Variants in ZZZ3 observed in about 807,000 individuals in gnomAD.
ZZZ3 encodes the protein ZZ-type zinc finger-containing protein 3.
In ZZZ3, 22 loss-of-function variants were observed where a neutral mutation model predicts 95.2. The ratio of observed to expected loss-of-function variants is 0.23; its 90% confidence interval spans 0.17 to 0.33. ZZZ3 has a LOEUF of 0.33. ZZZ3 is among the 10% of genes least tolerant of loss of function. The probability of loss-of-function intolerance (pLI) is 1.00; values close to 1 mark genes in which losing one functional copy is unlikely to be tolerated. For synonymous variants in ZZZ3, 335 were observed against 358.9 expected (o/e 0.93, Z 0.75); for missense variants, 885 against 1,066.5 (o/e 0.83, Z 2.37).
Position 77,568,317 on chromosome 1 carries a change from T to C in ZZZ3, c.2466+15A>G. On this transcript the variant is annotated intron_variant, in intron 13 of 14. Coordinates refer to ENST00000370801, the MANE Select transcript of ZZZ3 (RefSeq NM_015534.6). ...AAATAAAATGAAATGAATCCTAAAATTAAATAGAACTTACCTTAAAGCCCA... is the reference window on the plus strand; with the variant it reads ...AAATAAAATGAAATGAATCCTAAAACTAAATAGAACTTACCTTAAAGCCCA... 6.4e-7 allele frequency: 1 copy of C among 1,561,584 alleles called. No individual in the cohort carries two copies. The highest frequency in any genetic ancestry group is 8.6e-7 in the Non-Finnish European group (1 of 1,157,300).
intron 1 of ZZZ3, among the ~76,000 whole-genome samples, chr1:77,662,310 C>G (rs1181000778): frequency 6.6e-6 from 1 of 151,996 alleles, no homozygotes; most frequent in Non-Finnish European, 1.5e-5. Context: ...CCGTACCCAG[C>G]CTGGCTTTTT....
intron 5 of ZZZ3, among the ~76,000 whole-genome samples, chr1:77,613,365 T>TGAA (rs2100743395): frequency 1.3e-5 from 2 of 152,036 alleles, no homozygotes; most frequent in South Asian, 4.1e-4. Flanking sequence ...AATTAACCTG[T>TGAA]GAAGACTAGG....
chr1:77,590,115 G>A (rs1663529261), intron 5 of ZZZ3, among the ~76,000 whole-genome samples: 1 of 152,226 alleles, frequency 6.6e-6, no homozygotes, highest in African/African-American at 2.4e-5. Flanking sequence ...GCTCACGCCT[G>A]TAATCCCAGC....
intron 1 of ZZZ3, among the ~76,000 whole-genome samples, chr1:77,678,465 C>T (rs184378459): frequency 3.9e-5 from 6 of 152,142 alleles, no homozygotes; most frequent in Admixed American, 3.3e-4. Context: ...TCTCAAAAGA[C>T]ACCAATTTCT....
chr1:77,624,825 T>C (rs1667194949), intron 5 of ZZZ3, among the ~76,000 whole-genome samples: 1 of 152,206 alleles, frequency 6.6e-6, no homozygotes, highest in Admixed American at 6.5e-5. Context: ...GATTGGCTTC[T>C]GAAGTGGGAG....
intron 1 of ZZZ3, among the ~76,000 whole-genome samples, chr1:77,663,502 T>C (rs1670995548): frequency 6.6e-6 from 1 of 152,188 alleles, no homozygotes; most frequent in African/African-American, 2.4e-5. Flanking sequence ...AAGGTTCTCA[T>C]GGGTTACCCT....
Position 77,633,097 on chromosome 1 carries a change from T to C in ZZZ3, c.258A>G (p.Arg86=). 6.2e-7 allele frequency: 1 copy of C among 1,613,998 alleles called. No homozygotes were observed. The highest frequency in any genetic ancestry group is 8.5e-7 in the Non-Finnish European group (1 of 1,180,020). Residue 86 remains arginine (R), a synonymous_variant, in exon 5 of 15, where the codon AGA becomes AGG. Transcript: ENST00000370801. ...TATCCTTTTCTGAAGAAGAAAGTCC[T>C]CTTTTCCTAGGGCTTACCCATGATT... The part of the protein sequence containing the change: ...TRESWVSPRK[R]GLSSSEKDNI...
At chr1:77,572,496 T>C (rs1661496181) in intron 12 of ZZZ3, among the ~76,000 whole-genome samples, 2 of 151,306 alleles carry the variant, frequency 1.3e-5, no homozygotes, top group South Asian at 2.1e-4. Context: ...TGCACCACCA[T>C]ACCTGGCTAA....
intron 5 of ZZZ3, among the ~76,000 whole-genome samples, chr1:77,620,829 G>C (rs1281905611): frequency 2.0e-5 from 3 of 152,172 alleles, no homozygotes; most frequent in Non-Finnish European, 4.4e-5. Flanking sequence ...AGTAATTTAA[G>C]CCACAGCAGT....
intron 5 of ZZZ3, among the ~76,000 whole-genome samples, chr1:77,608,688 T>G (rs772107930): frequency 6.6e-6 from 1 of 152,142 alleles, no homozygotes; most frequent in Non-Finnish European, 1.5e-5. Flanking sequence ...TGACTATAAC[T>G]TTTCAAGACA....
intron 6 of ZZZ3, 22 bp from the exon 7 acceptor site, chr1:77,582,148 C>T (rs1662589562): frequency 6.4e-7 from 1 of 1,568,968 alleles, no homozygotes; most frequent in Non-Finnish European, 8.6e-7. Context: ...GGAGAAAAAA[C>T]AAAATAAAGT....
At chr1:77,623,982 A>G (rs113769933) in intron 5 of ZZZ3, among the ~76,000 whole-genome samples, 4,580 of 152,018 alleles carry the variant, frequency 0.03, 102 homozygotes, top group Non-Finnish European at 0.048. Context: ...ATTACTATAC[A>G]TTACAATATC....
Position 77,563,370 on chromosome 1 carries a change from T to C in ZZZ3, c.*2270A>G, listed in dbSNP as rs1660576425. 1 of 152,152 alleles carries C rather than the reference T, an allele frequency of 6.6e-6. No individual in the cohort carries two copies. Among genetic ancestry groups the C allele is most frequent in the African/African-American group, 2.4e-5 (1 of 41,444 alleles). The allele number at this position is 152,152 out of a possible 1,614,324, so 9.4% of individuals were successfully genotyped here. On this transcript the variant is annotated 3_prime_UTR_variant, in exon 15 of 15. Coordinates refer to ENST00000370801, the MANE Select transcript of ZZZ3 (RefSeq NM_015534.6). ...TCAAATTAAAACAATAACAAAACAC[T>C]ACCTACTACTATCTGAACTTCAGGG...
Position 77,633,512 on chromosome 1 carries a change from T to C in ZZZ3, c.-51-107A>G. 5 of 597,354 alleles carry C rather than the reference T, an allele frequency of 8.4e-6. No homozygotes were observed. In the South Asian group the frequency reaches 1.5e-4, roughly 18 times the overall value. 37.0% of individuals were successfully genotyped at this position (597,354 alleles called of 1,614,324 possible). A position where few individuals can be genotyped will look rare whatever the true frequency, so the allele number is the denominator to read the frequency against. ...ATCCAAGTATACTTGGACATTACAG[T>C]CTATAACTATCTATATAACTGCCAA... On this transcript the variant is annotated intron_variant, in intron 4 of 14. Transcript: ENST00000370801.
intron 1 of ZZZ3, among the ~76,000 whole-genome samples, chr1:77,642,953 A>T (rs986246755): frequency 6.6e-6 from 1 of 151,958 alleles, no homozygotes; most frequent in African/African-American, 2.4e-5. Context: ...GTAACACCAT[A>T]AAAAAATTAA....
intron 5 of ZZZ3, among the ~76,000 whole-genome samples, chr1:77,592,690 T>C (rs1570450188): frequency 6.6e-6 from 1 of 152,136 alleles, no homozygotes; most frequent in Admixed American, 6.5e-5. Flanking sequence ...TTATGAGGTA[T>C]AGGAAACTAC....
At chr1:77,595,797 G>A (rs538061046) in intron 5 of ZZZ3, among the ~76,000 whole-genome samples, 7 of 152,126 alleles carry the variant, frequency 4.6e-5, no homozygotes, top group South Asian at 2.1e-4. Context: ...TGTAGCTGAC[G>A]TATAAAATTA....
chr1:77,603,039 A>C (rs1210302226), intron 5 of ZZZ3, among the ~76,000 whole-genome samples: 1 of 151,942 alleles, frequency 6.6e-6, no homozygotes, highest in East Asian at 1.9e-4. Flanking sequence ...AAAAAAAAAA[A>C]CTTCTGAAAA....
chr1:77,624,735 T>A (rs1392432910), intron 5 of ZZZ3, among the ~76,000 whole-genome samples: 1 of 152,168 alleles, frequency 6.6e-6, no homozygotes, highest in East Asian at 1.9e-4. Context: ...TTATCAAATC[T>A]GAGGAGGGGG....
Sources: allele counts gnomAD v4.1 joint callset (sites outside exome capture counted in the v4.1 genomes callset), GRCh38; gene constraint gnomAD v4.1.1; transcripts MANE v1.5; gene names NCBI Gene and HGNC (gene_info 2026-07-23, HGNC 2026-07-21).